The following PDLIM3 variants were observed in gnomAD, a reference collection of about 807,000 sequenced individuals.
PDLIM3 encodes the protein PDZ and LIM domain 3, also known as PDZ and LIM domain protein 3.
PDLIM3 carries 36 observed loss-of-function variants against 37.3 expected under a neutral mutation model. The observed-to-expected ratio is 0.97, with a 90% CI of 0.74 to 1.28. The LOEUF (loss-of-function observed/expected upper bound fraction) is 1.28. Among genes scored for constraint, PDLIM3 ranks in the 50% most tolerant of loss-of-function variants. PDLIM3 has a pLI of 0.00. For synonymous variants in PDLIM3, 174 were observed against 182.4 expected, an observed-to-expected ratio of 0.95 and a Z score of 0.37; for missense variants, 454 against 485.0, an observed-to-expected ratio of 0.94 and a Z score of 0.60.
At position 185,506,638 on chromosome 4, in the gene PDLIM3, G is replaced by T; in HGVS notation, c.677C>A (p.Ser226Ter). The change falls in exon 6 of 8, where the codon TCG becomes TAG. Residue 226 changes from serine (S) to a stop codon, truncating the protein, a stop_gained. Transcript: ENST00000284767. LOFTEE classifies it high-confidence loss of function. ...GTACACGTCCGACTCGGGGGGCACC[G>T]AGGCTGTGGGCTCGCTGAAACACAG... is the stretch of plus-strand genomic sequence containing the variant. Reference protein sequence around the residue: ...ETPLMSEPTASVPPESDVYRM... With the variant: ...ETPLMSEPTA 6.2e-7 allele frequency: 1 copy of T among 1,605,678 alleles called. No individual in the cohort carries two copies.
chr4:185,510,327 C>T (rs1561193343), intron 4 of PDLIM3, among the ~76,000 whole-genome samples: 1 of 152,182 alleles, frequency 6.6e-6, no homozygotes, highest in Non-Finnish European at 1.5e-5. Flanking sequence ...GTGTGCCAGA[C>T]ATAGTGCCCG....
In PDLIM3 at chr4:185,502,205, T is replaced by C. The variant is rs1801942; in HGVS notation, c.*89A>G. Reference sequence around the variant, plus strand: ...GACTTTAGATTTGGAGTTGACAATCTGCACAATCCTTCTGCCCAAAGCCAT... The same window carrying C: ...GACTTTAGATTTGGAGTTGACAATCCGCACAATCCTTCTGCCCAAAGCCAT... On this transcript the variant is annotated 3_prime_UTR_variant, in exon 8 of 8. Coordinates refer to ENST00000284767, the MANE Select transcript of PDLIM3 (RefSeq NM_014476.6). 0.012 allele frequency: 15,347 copies of C among 1,329,556 alleles called. 144 individuals are homozygous for C. Among genetic ancestry groups the C allele is most frequent in the Middle Eastern group, 0.025 (108 of 4,238 alleles). 82.4% of individuals were successfully genotyped at this position (1,329,556 alleles called of 1,614,324 possible). A position where few individuals can be genotyped will look rare whatever the true frequency, so the allele number is the denominator to read the frequency against.
rs892194680 is a variant in PDLIM3 at position 185,512,912 on chromosome 4, A to T, written c.398+1358T>A. ...GAGAACAGAGTATGAACGAGGGAACACATAGAGAGAAGCAGGAGAGGACAC... is the reference window on the plus strand; with the variant it reads ...GAGAACAGAGTATGAACGAGGGAACTCATAGAGAGAAGCAGGAGAGGACAC... On this transcript the variant is annotated intron_variant, in intron 4 of 7. Coordinates refer to ENST00000284767, the MANE Select transcript of PDLIM3 (RefSeq NM_014476.6). 7 of 985,328 alleles carry T rather than the reference A, an allele frequency of 7.1e-6. No individual in the cohort carries two copies. In the African/African-American group the frequency reaches 1.2e-4, roughly 17 times the overall value. 61.0% of individuals were successfully genotyped at this position (985,328 alleles called of 1,614,324 possible).
In PDLIM3 at chr4:185,506,052, T is replaced by C. The variant is rs552475373; in HGVS notation, c.793+470A>G. On this transcript the variant is annotated intron_variant, in intron 6 of 7. Transcript: ENST00000284767. ...ATCTCTCAGCGTCTCATTTGCTAAG[T>C]AGGGCAAATAATAGGCTCACCTCCC... 2.0e-5 allele frequency among the ~76,000 whole-genome samples: 3 copies of C among 152,276 alleles called. No individual in the cohort carries two copies. In the East Asian group the frequency reaches 5.8e-4, roughly 29 times the overall value.
In PDLIM3 at chr4:185,514,059, AGCTCT is replaced by A. The variant is rs1580248081; in HGVS notation, c.398+206_398+210del. 9.7e-6 allele frequency: 14 copies of A among 1,448,924 alleles called. No individual in the cohort carries two copies. The East Asian group carries it at 3.6e-4, about 38-fold the overall frequency. 89.8% of individuals were successfully genotyped at this position (1,448,924 alleles called of 1,614,324 possible). A position where few individuals can be genotyped will look rare whatever the true frequency, so the allele number is the denominator to read the frequency against. On this transcript the variant is annotated intron_variant, in intron 4 of 7. Transcript: ENST00000284767. This position sits in a 1 kb window ranked among gnomAD's most constrained non-coding sequence, Gnocchi z 4.0. ...ACGTGGTGATTGCATACAATTTCAC[AGCTCT>A]GTCATCTTGTCAATATTTACTCTTG... is the stretch of plus-strand genomic sequence containing the variant.
At position 185,535,386 on chromosome 4, in the gene PDLIM3, G is replaced by C; in HGVS notation, c.49C>G (p.Leu17Val). The change falls in exon 1 of 8, where the codon CTC (leucine) becomes GTC (valine). Residue 17 changes from leucine to valine, a missense_variant. By Grantham distance (32) the Leu-to-Val change is conservative. Transcript: ENST00000284767. The stretch of plus-strand genomic sequence containing the variant: ...TGGTTGAAGTCTATGCCCCCTGAGA[G>C]CCTGAAGCCCCAGGGCGCAGGGCCC... ...LPGPAPWGFR[L>V]SGGIDFNQPL... is the part of the protein sequence containing the mutation. 1.2e-6 allele frequency: 2 copies of C among 1,608,244 alleles called. No individual in the cohort carries two copies. Among genetic ancestry groups the C allele is most frequent in the Non-Finnish European group, 8.5e-7 (1 of 1,177,574 alleles).
chr4:185,513,172 TAG>T (rs1561194944), intron 4 of PDLIM3: 1 of 984,032 alleles, frequency 1.0e-6, no homozygotes, highest in African/African-American at 1.8e-5. Flanking sequence ...GCTCACGTTC[TAG>T]GGGGGGGAAG....
chr4:185,513,261 T>C, intron 4 of PDLIM3: 3 of 985,410 alleles, frequency 3.0e-6, no homozygotes, highest in East Asian at 1.1e-4. Flanking sequence ...GGATCTGATA[T>C]CACAAGAATT....
chr4:185,534,933 C>T (rs1477626014), intron 1 of PDLIM3, among the ~76,000 whole-genome samples: 2 of 152,206 alleles, frequency 1.3e-5, no homozygotes, highest in Non-Finnish European at 2.9e-5. Context: ...GGTGCCAGTC[C>T]CTCGCCTCTC....
At chr4:185,512,535 A>T in intron 4 of PDLIM3, 1 of 298,412 alleles carries the variant, frequency 3.4e-6, no homozygotes, top group African/African-American at 2.3e-5. Context: ...CCCTATGTTT[A>T]AGTTAAAATG....
intron 4 of PDLIM3, among the ~76,000 whole-genome samples, chr4:185,511,291 TAATC>T (rs1233879115): frequency 6.6e-6 from 1 of 152,136 alleles, no homozygotes; most frequent in African/African-American, 2.4e-5. Flanking sequence ...TATGATGAAA[TAATC>T]AAAAGAACTA....
At chr4:185,515,075 T>TCTG in intron 3 of PDLIM3, 1 of 467,524 alleles carries the variant, frequency 2.1e-6, no homozygotes, top group Non-Finnish European at 3.7e-6. Context: ...ATGTGCTATA[T>TCTG]TCACCGATCA....
intron 1 of PDLIM3, among the ~76,000 whole-genome samples, chr4:185,532,119 GA>G (rs1394521548): frequency 4.0e-5 from 6 of 151,836 alleles, no homozygotes; most frequent in Non-Finnish European, 8.8e-5. Flanking sequence ...ACAAAAACAT[GA>G]CAAATCAACT....
chr4:185,517,593 T>A (rs554856417), intron 3 of PDLIM3: 81 of 152,058 alleles, frequency 5.3e-4, no homozygotes, highest in African/African-American at 1.9e-3. Context: ...AATAGCAGCA[T>A]GTAAGTTAAT....
chr4:185,533,226 A>C (rs377050788), intron 1 of PDLIM3, among the ~76,000 whole-genome samples: 41 of 152,328 alleles, frequency 2.7e-4, no homozygotes, highest in African/African-American at 9.4e-4. Context: ...ACAACCTCAC[A>C]CACTGCCTTT....
At chr4:185,523,903 C>A (rs1445358630) in intron 2 of PDLIM3, among the ~76,000 whole-genome samples, 1 of 151,744 alleles carries the variant, frequency 6.6e-6, no homozygotes, top group East Asian at 1.9e-4. Context: ...CAGGCGGGAG[C>A]CACCACACCC....
chr4:185,513,888 C>T, intron 4 of PDLIM3: 1 of 1,172,682 alleles, frequency 8.5e-7, no homozygotes. Context: ...CACCTGATTC[C>T]TTCCTCCTAA....
Position 185,514,086 on chromosome 4 carries a change from C to T in PDLIM3, c.398+184G>A, listed in dbSNP as rs372630875. 1.1e-5 allele frequency: 17 copies of T among 1,491,850 alleles called. No individual in the cohort carries two copies. The highest frequency in any genetic ancestry group is 3.5e-4 in the Middle Eastern group (2 of 5,730). The allele number at this position is 1,491,850 out of a possible 1,614,324, so 92.4% of individuals were successfully genotyped here. A position where few individuals can be genotyped will look rare whatever the true frequency, so the allele number is the denominator to read the frequency against. ...CTCTGTCATCTTGTCAATATTTACT[C>T]TTGGAAATGCAAGTTATTTGGCTTC... On this transcript the variant is annotated intron_variant, in intron 4 of 7. Transcript: ENST00000284767. This position sits in a 1 kb window ranked among gnomAD's most constrained non-coding sequence, Gnocchi z 4.0.
chr4:185,523,504 A>G, intron 2 of PDLIM3, 58 bp from the exon 3 acceptor site: 1 of 1,074,014 alleles, frequency 9.3e-7, no homozygotes, highest in Non-Finnish European at 1.4e-6. Flanking sequence ...CAGTTTTAGC[A>G]TACTTTAGTT....
Sources: allele counts gnomAD v4.1 joint callset (sites outside exome capture counted in the v4.1 genomes callset), GRCh38; gene constraint gnomAD v4.1.1; non-coding constraint Gnocchi (gnomAD v3.1); transcripts MANE v1.5; gene names NCBI Gene and HGNC (gene_info 2026-07-23, HGNC 2026-07-21).